DDX56: variants seen among roughly 807,000 people sequenced by gnomAD.
The protein encoded by DDX56 is DEAD-box helicase 56.
A neutral mutation model predicts 61.5 loss-of-function variants in DDX56; 45 were observed. The observed-to-expected ratio is 0.73, with a 90% CI of 0.58 to 0.94. The LOEUF (loss-of-function observed/expected upper bound fraction) is 0.94, where lower values mean the gene tolerates loss of function less well. Ranked by LOEUF, DDX56 falls within the 40% of genes least tolerant of loss-of-function variation. DDX56 has a pLI of 0.00. For missense variants in DDX56, 708 were observed against 690.7 expected, an observed-to-expected ratio of 1.02 and a Z score of -0.28; for synonymous variants, 273 against 268.3, an observed-to-expected ratio of 1.02 and a Z score of -0.17.
At position 44,570,744 on chromosome 7, in the gene DDX56, A is replaced by G; in HGVS notation, c.1010+14T>C. 2 of 1,581,928 alleles carry G rather than the reference A, an allele frequency of 1.3e-6. No individual in the cohort carries two copies. The highest frequency in any genetic ancestry group is 1.7e-6 in the Non-Finnish European group (2 of 1,161,804). ...CATTTCTGGGGAGGGATGGAAAAAG[A>G]GGCATGGACTCACTTGTCCCCTTTG... is the stretch of plus-strand genomic sequence containing the variant. On this transcript the variant is annotated intron_variant, in intron 7 of 13. Transcript: ENST00000258772.
chr7:44,569,319 C>G, intron 9 of DDX56, 116 bp from the exon 10 acceptor site: 3 of 936,280 alleles, frequency 3.2e-6, no homozygotes, highest in Non-Finnish European at 4.8e-6. Flanking sequence ...CACCGCCTTC[C>G]TGGGATGCCG....
At chr7:44,570,251 C>CT (rs1585171788) in intron 7 of DDX56, 123 bp from the exon 8 acceptor site, 1 of 1,304,942 alleles carries the variant, frequency 7.7e-7, no homozygotes, top group South Asian at 1.4e-5. Flanking sequence ...ACAGAGGACT[C>CT]TCCAACAATG....
chr7:44,573,527 C>A, intron 2 of DDX56, 56 bp downstream of exon 2: 1 of 1,589,890 alleles, frequency 6.3e-7, no homozygotes, highest in South Asian at 1.1e-5. Flanking sequence ...GGGAACCGCC[C>A]TTCCCAGGCT....
chr7:44,569,093 C>T, intron 10 of DDX56, 37 bp downstream of exon 10: 1 of 1,612,964 alleles, frequency 6.2e-7, no homozygotes, highest in East Asian at 2.2e-5. Context: ...GCCACAGCCC[C>T]TCCCCTCTCA....
chr7:44,569,464 C>A (rs1277574604), intron 9 of DDX56, among the ~76,000 whole-genome samples: 1 of 152,160 alleles, frequency 6.6e-6, no homozygotes, highest in Non-Finnish European at 1.5e-5. Flanking sequence ...AAGGAGTACC[C>A]CATGGTATTC....
rs1368069633 is a variant in DDX56, at chr7:44,573,012, A to G, written c.261T>C (p.Val87=). ...GTGCCAGCTCCTTGGTAGGAACAAGAACAAGGCCTCTCACTGCCTGTTCTA... is the reference window on the plus strand; with the variant it reads ...GTGCCAGCTCCTTGGTAGGAACAAGGACAAGGCCTCTCACTGCCTGTTCTA... ...PVVEQAVRGL[V]LVPTKELARQ... Residue 87 remains valine, a synonymous_variant, in exon 3 of 14, where the codon GTT becomes GTC. Transcript: ENST00000258772. The G allele has an allele frequency of 6.2e-7, 1 of 1,607,752 alleles. No homozygotes were observed. Among genetic ancestry groups the G allele is most frequent in the East Asian group, 2.2e-5 (1 of 44,844 alleles).
intron 4 of DDX56, 23 bp downstream of exon 4, chr7:44,572,549 GGA>G: frequency 6.2e-7 from 1 of 1,613,592 alleles, no homozygotes; most frequent in Non-Finnish European, 8.5e-7. Flanking sequence ...GTTTCCACTA[GGA>G]ATCACACCCA....
chr7:44,567,936 C>A (rs1279946140), intron 12 of DDX56, among the ~76,000 whole-genome samples, 182 bp downstream of exon 12: 2 of 152,224 alleles, frequency 1.3e-5, no homozygotes, highest in Admixed American at 1.3e-4. Flanking sequence ...ACCCGTGGGA[C>A]CAAGCAAACA....
chr7:44,570,232 C>T, intron 7 of DDX56, 104 bp from the exon 8 acceptor site: 2 of 1,405,074 alleles, frequency 1.4e-6, no homozygotes, highest in East Asian at 2.5e-5. Context: ...GATCATAAGA[C>T]CCTGACATAC....
intron 5 of DDX56, 146 bp downstream of exon 5, chr7:44,572,201 T>G (rs1802693252): frequency 1.5e-6 from 1 of 645,490 alleles, no homozygotes; most frequent in Non-Finnish European, 2.7e-6. Context: ...TTTAGACCAC[T>G]GGCTTTTAGT....
At chr7:44,573,322 AAGAT>A (rs1474609095) in intron 2 of DDX56, among the ~76,000 whole-genome samples, 1 of 152,258 alleles carries the variant, frequency 6.6e-6, no homozygotes, top group Non-Finnish European at 1.5e-5. Context: ...GTAAGTAGAA[AAGAT>A]AGATGTGCTC....
Position 44,570,891 on chromosome 7 carries a change from C to T in DDX56, c.891-14G>A, listed in dbSNP as rs217376. On this transcript the variant is annotated splice_polypyrimidine_tract_variant and intron_variant, in intron 6 of 13. Transcript: ENST00000258772. ...ATGATGTGGCACCTGCAGCCAAGAG[C>T]GGACAGAGAATCAGCTCAGCAGAGC... 0.42 allele frequency: 668,033 copies of T among 1,606,960 alleles called. 146,031 individuals carry two copies. The highest frequency in any genetic ancestry group is 0.5 in the Middle Eastern group (3,024 of 6,038).
In DDX56 at chr7:44,573,667, G is replaced by C. The variant is rs561499363; in HGVS notation, c.138C>G (p.Asp46Glu). 8.1e-6 allele frequency: 13 copies of C among 1,613,804 alleles called. No homozygotes were observed. The African/African-American group carries it at 1.7e-4, about 21-fold the overall frequency. ...KAIPLALEGK[D>E]LLARARTGSG... ...AGCCCGTGCGGGCCCGAGCCAGGAGGTCCTTCCCTTCTAGGGCCAGTGGGA... is the reference window on the plus strand; with the variant it reads ...AGCCCGTGCGGGCCCGAGCCAGGAGCTCCTTCCCTTCTAGGGCCAGTGGGA... The change falls in exon 2 of 14, where the codon GAC becomes GAG. Residue 46 changes from aspartate to glutamate, a missense_variant. Asp to Glu is a conservative substitution (Grantham distance 45). Coordinates refer to ENST00000258772, the MANE Select transcript of DDX56 (RefSeq NM_019082.4).
At chr7:44,572,292 G>T in intron 5 of DDX56, 55 bp downstream of exon 5, 1 of 1,453,060 alleles carries the variant, frequency 6.9e-7, no homozygotes, top group Non-Finnish European at 9.6e-7. Flanking sequence ...GGAGCATCAA[G>T]ATCTTTGAGT....
At position 44,572,946 on chromosome 7, in the gene DDX56, A is replaced by G. The variant is rs531180797; in HGVS notation, c.327T>C (p.Cys109=). 1 of 1,612,662 alleles carries G rather than the reference A, an allele frequency of 6.2e-7. No individual in the cohort carries two copies. The highest frequency in any genetic ancestry group is 1.7e-5 in the Admixed American group (1 of 59,790). ...CATTGGCCACTCGGACATCCCGAGC[A>G]CAGTAGGTAGCCAGCTGCTGAATCA... ...QSMIQQLATY[C]ARDVRVANVS... is the part of the protein sequence containing the mutation. Residue 109 remains cysteine, a synonymous_variant, in exon 3 of 14, where the codon TGT becomes TGC. Coordinates refer to ENST00000258772, the MANE Select transcript of DDX56 (RefSeq NM_019082.4).
chr7:44,573,851 A>G lies in DDX56; in HGVS notation c.45T>C (p.Asp15=), dbSNP rs768856576. 1 of 1,613,314 alleles carries G rather than the reference A, an allele frequency of 6.2e-7. No individual in the cohort carries two copies. Among genetic ancestry groups the G allele is most frequent in the Non-Finnish European group, 8.5e-7 (1 of 1,180,002 alleles). The change falls in exon 1 of 14, where the codon GAT becomes GAC. Residue 15 remains aspartate, a synonymous_variant. Transcript: ENST00000258772. ...TCGCGTGTACCTGAAGGAGCCGGGG[A>G]TCGAGGCCCATGTGTTCGAAGCCCA... ...EALGFEHMGL[D]PRLLQAVTDL...
chr7:44,573,632 G>A lies in DDX56; in HGVS notation c.173C>T (p.Thr58Met). Reference protein sequence around the residue: ...LARARTGSGKTAAYAIPMLQL... With the variant: ...LARARTGSGKMAAYAIPMLQL... The stretch of plus-strand genomic sequence containing the variant: ...CAGCATCGGAATAGCATAAGCGGCC[G>A]TCTTCCCGGAGCCCGTGCGGGCCCG... Residue 58 changes from threonine (T) to methionine (M), a missense_variant, in exon 2 of 14, where the codon ACG (threonine) becomes ATG (methionine). Thr to Met is a moderately conservative substitution (Grantham distance 81, BLOSUM62 -1). Coordinates refer to ENST00000258772, the MANE Select transcript of DDX56 (RefSeq NM_019082.4). 1 of 1,613,804 alleles carries A rather than the reference G, an allele frequency of 6.2e-7. No homozygotes were observed. Among genetic ancestry groups the A allele is most frequent in the Non-Finnish European group, 8.5e-7 (1 of 1,180,030 alleles).
At chr7:44,566,135 C>T (rs55912790) in intron 13 of DDX56, 56 bp from the exon 14 acceptor site, 4 of 682,732 alleles carry the variant, frequency 5.9e-6, no homozygotes, top group Non-Finnish European at 8.5e-6. Context: ...GACAATCCAC[C>T]CACCCACCCA....
chr7:44,572,839 C>G (rs1802711842), intron 3 of DDX56, 51 bp downstream of exon 3: 1 of 1,597,096 alleles, frequency 6.3e-7, no homozygotes, highest in Non-Finnish European at 8.5e-7. Flanking sequence ...AAACCCAACC[C>G]CACAACACTG....
Sources: allele counts gnomAD v4.1 joint callset (sites outside exome capture counted in the v4.1 genomes callset), GRCh38; gene constraint gnomAD v4.1.1; transcripts MANE v1.5; gene names NCBI Gene and HGNC (gene_info 2026-07-23, HGNC 2026-07-21).